Variants in ANK3 observed in about 807,000 individuals in gnomAD.
ANK3 encodes ankyrin 3, also known as ankyrin-3.
ANK3 carries 57 observed loss-of-function variants against 370.9 expected under a neutral mutation model. The ratio of observed to expected loss-of-function variants is 0.15; its 90% CI spans 0.12 to 0.19. The LOEUF is 0.19. Among genes scored for constraint, ANK3 ranks in the 10% least tolerant of loss-of-function variants. The probability of loss-of-function intolerance (pLI) is 1.00; values close to 1 mark genes in which losing one functional copy is unlikely to be tolerated. For synonymous variants in ANK3, 1,929 were observed against 1,946.3 expected (o/e 0.99, Z 0.23); for missense variants, 4,439 against 5,302.1 (o/e 0.84, Z 5.06).
chr10:60,152,801 C>T (rs1400179717), intron 23 of ANK3, among the ~76,000 whole-genome samples: 2 of 152,158 alleles, frequency 1.3e-5, no homozygotes, highest in East Asian at 1.9e-4. Flanking sequence ...AAGACTCCCA[C>T]ATCCCCCACC....
chr10:60,309,684 A>G (rs2045914845), intron 1 of ANK3, among the ~76,000 whole-genome samples: 1 of 152,206 alleles, frequency 6.6e-6, no homozygotes, highest in African/African-American at 2.4e-5. Context: ...GAAAATTAAT[A>G]TACTCTGTTT....
intron 23 of ANK3, among the ~76,000 whole-genome samples, chr10:60,157,358 G>T (rs1366220846): frequency 2.7e-5 from 4 of 148,298 alleles, no homozygotes; most frequent in Non-Finnish European, 3.0e-5. Flanking sequence ...TTTTTTAAAG[G>T]GGTTCTCACT....
chr10:60,137,129 T>C (rs943744819), intron 24 of ANK3, among the ~76,000 whole-genome samples: 7 of 152,070 alleles, frequency 4.6e-5, no homozygotes, highest in African/African-American at 7.2e-5. Context: ...AAGTATCTGG[T>C]AAATTTTGCG....
At chr10:60,351,167 A>G (rs1566779735) in intron 1 of ANK3, among the ~76,000 whole-genome samples, 1 of 152,224 alleles carries the variant, frequency 6.6e-6, no homozygotes, top group Non-Finnish European at 1.5e-5. Flanking sequence ...GAAAAGATCC[A>G]TTTAGAGATT....
chr10:60,146,044 T>G (rs1292884505), intron 23 of ANK3: 3 of 1,505,162 alleles, frequency 2.0e-6, no homozygotes, highest in Non-Finnish European at 2.7e-6. Context: ...TGAATAAAAT[T>G]AACAAAATAA....
chr10:60,454,911 G>C (rs1358451681), intron 2 of ANK3, among the ~76,000 whole-genome samples: 1 of 152,118 alleles, frequency 6.6e-6, no homozygotes, highest in African/African-American at 2.4e-5. Context: ...CAGGGGGAAA[G>C]TAAGATCACA....
intron 2 of ANK3, among the ~76,000 whole-genome samples, chr10:60,528,604 A>T (rs1189419492): frequency 3.9e-5 from 6 of 152,170 alleles, no homozygotes; most frequent in African/African-American, 1.4e-4. Context: ...TATGCATTTC[A>T]TATGGTTCAA....
intron 2 of ANK3, among the ~76,000 whole-genome samples, chr10:60,447,064 A>T (rs1314205875): frequency 6.6e-6 from 1 of 152,182 alleles, no homozygotes; most frequent in Admixed American, 6.5e-5. Context: ...GGGGAGTGAG[A>T]GACTGAGCAC....
At chr10:60,254,860 G>C (rs545536045) in intron 7 of ANK3, among the ~76,000 whole-genome samples, 1 of 152,316 alleles carries the variant, frequency 6.6e-6, no homozygotes, top group East Asian at 1.9e-4. Context: ...GTGACCAGGA[G>C]TGGTGGACAG....
rs890421453 is a variant in ANK3 at position 60,528,669 on chromosome 10, T to A, written c.96+86517A>T. Reference sequence around the variant, plus strand: ...ATTATTGACATTTTAGGCTAGATCATTCCTTGCTGTGGGGTGATGCCCTGT... The same window carrying A: ...ATTATTGACATTTTAGGCTAGATCAATCCTTGCTGTGGGGTGATGCCCTGT... On this transcript the variant is annotated intron_variant, in intron 2 of 43. Transcript: ENST00000373827. Among the ~76,000 whole-genome samples, 3 of 152,202 alleles carry A rather than the reference T, an allele frequency of 2.0e-5. No homozygotes were observed. The South Asian group carries it at 6.2e-4, about 32-fold the overall frequency.
chr10:60,094,675 A>G (rs2089686587), intron 28 of ANK3, among the ~76,000 whole-genome samples: 1 of 152,208 alleles, frequency 6.6e-6, no homozygotes. Context: ...CTAGGCTATG[A>G]AATTCTAGGA....
chr10:60,502,781 A>G (rs1350738224), intron 2 of ANK3, among the ~76,000 whole-genome samples: 3 of 148,924 alleles, frequency 2.0e-5, no homozygotes, highest in Non-Finnish European at 4.5e-5. Context: ...GAAAGAAAAG[A>G]AAGAAAGAAA....
chr10:60,509,250 CA>C (rs545237136), intron 2 of ANK3, among the ~76,000 whole-genome samples: 15 of 147,196 alleles, frequency 1.0e-4, no homozygotes, highest in South Asian at 4.3e-4. Context: ...ATATAACTAG[CA>C]AAAAAAAAAG....
intron 2 of ANK3, among the ~76,000 whole-genome samples, chr10:60,407,845 C>T (rs570121414): frequency 1.4e-4 from 22 of 152,284 alleles, no homozygotes; most frequent in Middle Eastern, 3.4e-3. Flanking sequence ...TGAAGCAATG[C>T]AAAATGATGC....
At chr10:60,319,840 C>A (rs1025938296) in intron 1 of ANK3, among the ~76,000 whole-genome samples, 1 of 152,218 alleles carries the variant, frequency 6.6e-6, no homozygotes, top group Non-Finnish European at 1.5e-5. Context: ...CTCTTCACCA[C>A]TGATTATGAC....
At chr10:60,306,377 G>T (rs1382595237) in intron 1 of ANK3, among the ~76,000 whole-genome samples, 1 of 151,548 alleles carries the variant, frequency 6.6e-6, no homozygotes, top group African/African-American at 2.4e-5. Context: ...TGCTGCAAAA[G>T]ACATCATTTC....
intron 2 of ANK3, among the ~76,000 whole-genome samples, chr10:60,402,101 T>C (rs1412918527): frequency 6.6e-6 from 1 of 152,184 alleles, no homozygotes; most frequent in Non-Finnish European, 1.5e-5. Context: ...CTGTAAATTA[T>C]TTAAAACCCA....
At chr10:60,116,211 G>C (rs2093070447) in intron 25 of ANK3, among the ~76,000 whole-genome samples, 1 of 152,110 alleles carries the variant, frequency 6.6e-6, no homozygotes, top group Non-Finnish European at 1.5e-5. Context: ...TGAATATTCA[G>C]AATCGCACCC....
intron 1 of ANK3, among the ~76,000 whole-genome samples, chr10:60,698,418 C>T (rs2079494888): frequency 6.6e-6 from 1 of 151,692 alleles, no homozygotes; most frequent in Admixed American, 6.6e-5. Flanking sequence ...ACCCAAAGGA[C>T]TAGAAATCAT....
Sources: gnomAD v4.1 joint callset for allele counts (sites outside exome capture counted in the v4.1 genomes callset) on GRCh38, gnomAD v4.1.1 for gene constraint, MANE v1.5 for transcripts, NCBI Gene and HGNC (gene_info 2026-07-23, HGNC 2026-07-21) for gene names.